Variants in SUPT3H observed in about 807,000 individuals in gnomAD.
The protein encoded by SUPT3H is SPT3 homolog, SAGA and STAGA complex component.
A neutral mutation model predicts 44.3 loss-of-function variants in SUPT3H; 44 were observed. That is an observed-to-expected ratio of 0.99 (90% CI 0.78 to 1.28). The LOEUF is 1.28. Among genes scored for constraint, SUPT3H ranks in the 50% most tolerant of loss-of-function variants. The pLI is 0.00. For missense variants in SUPT3H, 380 were observed against 387.1 expected (o/e 0.98, Z 0.15); for synonymous variants, 124 against 125.6 (o/e 0.99, Z 0.09).
chr6:45,124,473 C>T (rs1035551073), intron 2 of SUPT3H, among the ~76,000 whole-genome samples: 5 of 151,400 alleles, frequency 3.3e-5, no homozygotes, highest in East Asian at 1.9e-4. Context: ...GTGAAACCCC[C>T]CCCTCTACTA....
chr6:45,132,440 G>A (rs571640084), intron 2 of SUPT3H, among the ~76,000 whole-genome samples: 11 of 152,062 alleles, frequency 7.2e-5, no homozygotes, highest in Non-Finnish European at 1.3e-4. Context: ...TTCAACAGCC[G>A]TCCAACAAAA....
At chr6:44,844,367 C>G (rs538964686) in intron 10 of SUPT3H, among the ~76,000 whole-genome samples, 1 of 151,940 alleles carries the variant, frequency 6.6e-6, no homozygotes, top group African/African-American at 2.4e-5. Flanking sequence ...AAAAAAAGAT[C>G]GATAAATCAG....
At chr6:45,177,187 T>A (rs548200935) in intron 2 of SUPT3H, among the ~76,000 whole-genome samples, 1,583 of 152,250 alleles carry the variant, frequency 0.01, 27 homozygotes, top group African/African-American at 0.035. Context: ...TTTAGAAGAA[T>A]GTATAACTAG....
intron 10 of SUPT3H, among the ~76,000 whole-genome samples, chr6:44,879,762 C>T (rs894665192): frequency 6.6e-6 from 1 of 152,196 alleles, no homozygotes; most frequent in Non-Finnish European, 1.5e-5. Flanking sequence ...TCTGCAGCCT[C>T]TGCTGGTGAT....
At chr6:44,899,548 G>A (rs1211347714) in intron 10 of SUPT3H, among the ~76,000 whole-genome samples, 1 of 152,100 alleles carries the variant, frequency 6.6e-6, no homozygotes. Flanking sequence ...TTAGCCAGGT[G>A]TGGTGGCGGG....
At chr6:45,037,314 GA>G (rs1787814899) in intron 3 of SUPT3H, among the ~76,000 whole-genome samples, 3 of 151,548 alleles carry the variant, frequency 2.0e-5, no homozygotes, top group Admixed American at 2.0e-4. Flanking sequence ...GAAAAAAAAA[GA>G]AAAGAAGAGA....
intron 3 of SUPT3H, among the ~76,000 whole-genome samples, chr6:45,059,275 G>A (rs1424567889): frequency 6.6e-6 from 1 of 152,068 alleles, no homozygotes; most frequent in African/African-American, 2.4e-5. Context: ...ATGCAAGGTT[G>A]GCTCAACATA....
chr6:44,976,019 C>T (rs186627492), intron 6 of SUPT3H, among the ~76,000 whole-genome samples: 276 of 152,218 alleles, frequency 1.8e-3, no homozygotes, highest in African/African-American at 6.4e-3. Flanking sequence ...CTAAATGGAA[C>T]GTTCTTAATC....
intron 10 of SUPT3H, among the ~76,000 whole-genome samples, chr6:44,906,104 A>AC (rs1430866237): frequency 6.6e-6 from 1 of 152,182 alleles, no homozygotes; most frequent in African/African-American, 2.4e-5. Flanking sequence ...CAGCACATCA[A>AC]ATGGCACATG....
chr6:45,072,526 T>C (rs866071737), intron 3 of SUPT3H, among the ~76,000 whole-genome samples: 1 of 152,164 alleles, frequency 6.6e-6, no homozygotes, highest in Non-Finnish European at 1.5e-5. Context: ...TGGCTTCAGA[T>C]AGTCTAAGAA....
intron 2 of SUPT3H, among the ~76,000 whole-genome samples, chr6:45,177,078 T>C (rs889808045): frequency 4.6e-5 from 7 of 152,312 alleles, no homozygotes; most frequent in African/African-American, 1.7e-4. Flanking sequence ...AGAATGACTT[T>C]GACTAGCTGA....
chr6:44,905,635 A>G (rs1765908656), intron 10 of SUPT3H, among the ~76,000 whole-genome samples: 1 of 152,150 alleles, frequency 6.6e-6, no homozygotes, highest in African/African-American at 2.4e-5. Flanking sequence ...ATCTTGAACT[A>G]GAAATACCAT....
intron 2 of SUPT3H, among the ~76,000 whole-genome samples, chr6:45,132,982 C>A (rs1803712928): frequency 6.6e-6 from 1 of 152,104 alleles, no homozygotes; most frequent in South Asian, 2.1e-4. Context: ...TGAACTCTTA[C>A]CAGTACAAAT....
intron 6 of SUPT3H, among the ~76,000 whole-genome samples, chr6:44,963,595 A>T (rs919684434): frequency 1.3e-5 from 2 of 152,206 alleles, no homozygotes; most frequent in Non-Finnish European, 2.9e-5. Context: ...TAAATGCATG[A>T]TCTAGTTTTA....
intron 6 of SUPT3H, among the ~76,000 whole-genome samples, chr6:44,979,298 G>A (rs988314399): frequency 6.6e-6 from 1 of 152,060 alleles, no homozygotes; most frequent in Admixed American, 6.6e-5. Flanking sequence ...GAATTTAAGA[G>A]ACAAGAAACA....
intron 2 of SUPT3H, among the ~76,000 whole-genome samples, chr6:45,275,824 A>G (rs934973437): frequency 3.3e-5 from 5 of 152,144 alleles, no homozygotes; most frequent in Non-Finnish European, 7.4e-5. Context: ...TTTTAAAAAT[A>G]TTACCTTGTG....
intron 2 of SUPT3H, among the ~76,000 whole-genome samples, chr6:45,167,178 C>A (rs1810025750): frequency 6.6e-6 from 1 of 152,176 alleles, no homozygotes; most frequent in Admixed American, 6.5e-5. Flanking sequence ...GCTTAATGGA[C>A]AGAAGTGTAG....
intron 2 of SUPT3H, among the ~76,000 whole-genome samples, chr6:45,237,040 G>A (rs572084683): frequency 1.3e-5 from 2 of 152,256 alleles, no homozygotes; most frequent in Admixed American, 6.5e-5. Flanking sequence ...AGTAGAGCCA[G>A]GAGAGCGTAT....
chr6:45,103,107 T>C (rs1243396397), intron 3 of SUPT3H, among the ~76,000 whole-genome samples: 1 of 152,202 alleles, frequency 6.6e-6, no homozygotes, highest in East Asian at 1.9e-4. Flanking sequence ...ACTGACTTTT[T>C]GAAAATAACT....
Sources: gnomAD v4.1 joint callset for allele counts (sites outside exome capture counted in the v4.1 genomes callset) on GRCh38, gnomAD v4.1.1 for gene constraint, MANE v1.5 for transcripts, NCBI Gene and HGNC (gene_info 2026-07-23, HGNC 2026-07-21) for gene names.